Variants in EPM2A observed in about 807,000 individuals in gnomAD.
EPM2A encodes the protein laforin.
EPM2A carries 21 observed loss-of-function variants against 26.5 expected under a neutral mutation model. The ratio of observed to expected loss-of-function variants is 0.79; its 90% confidence interval spans 0.56 to 1.14. The LOEUF (loss-of-function observed/expected upper bound fraction) is 1.14, where lower values mean the gene tolerates loss of function less well. Ranked by LOEUF, EPM2A falls within the 50% of genes most tolerant of loss-of-function variation. The pLI is 0.00. For missense variants in EPM2A, 458 were observed against 440.8 expected (o/e 1.04, Z -0.35); for synonymous variants, 217 against 177.6 (o/e 1.22, Z -1.76).
intron 2 of EPM2A, among the ~76,000 whole-genome samples, chr6:145,556,664 A>T (rs1183381427): frequency 6.6e-6 from 1 of 152,090 alleles, no homozygotes; most frequent in Non-Finnish European, 1.5e-5. Flanking sequence ...TGAGAAGCAG[A>T]CCACCTTAAA....
At chr6:145,570,661 C>A (rs904080515) in intron 2 of EPM2A, among the ~76,000 whole-genome samples, 1 of 152,218 alleles carries the variant, frequency 6.6e-6, no homozygotes, top group Admixed American at 6.5e-5. Flanking sequence ...TCAGCAAGCA[C>A]CTCAGCAGGT....
chr6:145,680,367 A>C (rs1039085580), intron 2 of EPM2A, among the ~76,000 whole-genome samples: 34 of 81,940 alleles, frequency 4.1e-4, no homozygotes, highest in African/African-American at 1.8e-3. Context: ...AGTTTCATTT[A>C]TTTATTTATT....
intron 2 of EPM2A, among the ~76,000 whole-genome samples, chr6:145,683,164 A>T (rs1780661177): frequency 6.6e-6 from 1 of 152,012 alleles, no homozygotes; most frequent in Non-Finnish European, 1.5e-5. Flanking sequence ...GGACTGAAAC[A>T]ACTGAAGGTG....
At chr6:145,409,995 A>G (rs1301009876) in intron 4 of EPM2A, among the ~76,000 whole-genome samples, 1 of 152,164 alleles carries the variant, frequency 6.6e-6, no homozygotes, top group South Asian at 2.1e-4. Flanking sequence ...TTTGAAACAC[A>G]TCATCATTTC....
In EPM2A at chr6:145,580,747, A is replaced by T. The variant is rs1320426422; in HGVS notation, c.340+54498T>A. ...TATGTATACTCAGTGTTTAGCTGCC[A>T]CTTATAAATGAGAACATGTCGTATT... On this transcript the variant is annotated intron_variant, in intron 2 of 3. Coordinates refer to the EPM2A transcript ENST00000450221. Among the ~76,000 whole-genome samples the T allele has an allele frequency of 3.3e-5, 5 of 151,996 alleles. No homozygotes were observed. In the East Asian group the frequency reaches 9.6e-4, roughly 29 times the overall value.
intron 1 of EPM2A, among the ~76,000 whole-genome samples, chr6:145,716,571 C>A (rs1383193165): frequency 6.6e-6 from 1 of 152,064 alleles, no homozygotes; most frequent in Non-Finnish European, 1.5e-5. Context: ...GAAAGAAGAC[C>A]CTACCCCTAT....
At chr6:145,634,306 T>G (rs7773780) in intron 3 of EPM2A, among the ~76,000 whole-genome samples, 9,874 of 152,194 alleles carry the variant, frequency 0.065, 1,082 homozygotes, top group African/African-American at 0.22. Context: ...ATCCCTATCA[T>G]TCCTCTAAAA....
At chr6:145,612,566 A>G (rs1396067023) in intron 2 of EPM2A, among the ~76,000 whole-genome samples, 1 of 151,942 alleles carries the variant, frequency 6.6e-6, no homozygotes, top group East Asian at 1.9e-4. Flanking sequence ...ACACAGGCAA[A>G]CCTCAGAGAT....
chr6:145,459,404 G>A (rs570296096), intron 4 of EPM2A, among the ~76,000 whole-genome samples: 94 of 152,256 alleles, frequency 6.2e-4, no homozygotes, highest in African/African-American at 2.1e-3. Flanking sequence ...AATCATGCTC[G>A]AAAAGTTCAG....
At chr6:145,646,461 C>CCA (rs1289146442) in intron 2 of EPM2A, among the ~76,000 whole-genome samples, 3 of 152,076 alleles carry the variant, frequency 2.0e-5, no homozygotes, top group African/African-American at 7.2e-5. Flanking sequence ...CAGGCGTGAA[C>CCA]CACTGCACTT....
chr6:145,438,663 G>A (rs1346021748), intron 4 of EPM2A, among the ~76,000 whole-genome samples: 2 of 151,792 alleles, frequency 1.3e-5, no homozygotes, highest in African/African-American at 4.8e-5. Context: ...TAGTAGAGAC[G>A]GGGTTTCACC....
intron 2 of EPM2A, among the ~76,000 whole-genome samples, chr6:145,669,223 T>A (rs1779469124): frequency 6.6e-6 from 1 of 152,196 alleles, no homozygotes; most frequent in Non-Finnish European, 1.5e-5. Flanking sequence ...AAAGAGTTCA[T>A]GTTTCATAAA....
downstream of EPM2A, among the ~76,000 whole-genome samples, chr6:145,498,307 C>T (rs1779846805): frequency 6.6e-6 from 1 of 152,328 alleles, no homozygotes; most frequent in South Asian, 2.1e-4. Context: ...AAGTGGGGCC[C>T]TCAGACCAAT....
chr6:145,540,431 C>G (rs890611975), intron 2 of EPM2A, among the ~76,000 whole-genome samples: 2 of 152,156 alleles, frequency 1.3e-5, no homozygotes, highest in African/African-American at 4.8e-5. Flanking sequence ...TTTGCTTCCC[C>G]TCAGCACTAC....
At chr6:145,640,243 A>C (rs1382881624) in intron 2 of EPM2A, 1 of 152,254 alleles carries the variant, frequency 6.6e-6, no homozygotes, top group Non-Finnish European at 1.5e-5. Flanking sequence ...CGACAGGAGA[A>C]GTGGGTGTCT....
chr6:145,713,831 C>T (rs946558570), intron 1 of EPM2A, among the ~76,000 whole-genome samples: 1 of 152,158 alleles, frequency 6.6e-6, no homozygotes, highest in African/African-American at 2.4e-5. Context: ...ACAGCTTTTA[C>T]CTCCATCAAC....
intron 1 of EPM2A, among the ~76,000 whole-genome samples, chr6:145,687,498 C>T (rs1447676860): frequency 2.0e-5 from 3 of 152,052 alleles, no homozygotes; most frequent in Non-Finnish European, 4.4e-5. Context: ...ATTTTTACTA[C>T]CTTTTTATCA....
In EPM2A at chr6:145,543,229, C is replaced by T. The variant is rs1477611730; in HGVS notation, c.341-40654G>A. Among the ~76,000 whole-genome samples the T allele has an allele frequency of 4.0e-5, 6 of 151,390 alleles. No individual in the cohort carries two copies. The East Asian group carries it at 7.8e-4, about 20-fold the overall frequency. On this transcript the variant is annotated intron_variant, in intron 2 of 3. Coordinates refer to the EPM2A transcript ENST00000450221. The stretch of plus-strand genomic sequence containing the variant: ...GGATGCTCTTTTTTTTTCTTAATCA[C>T]GAAGAATGAATGGCACTTACAGTAA...
Position 145,557,895 on chromosome 6 carries a change from C to T in EPM2A, c.341-55320G>A, listed in dbSNP as rs144475097. ...CAACATCTCCCCAAACCGTCCTTGC[C>T]TCTCCAGCCCCCGGTAACCAGCAGA... On this transcript the variant is annotated intron_variant, in intron 2 of 3. Transcript: ENST00000450221. Among the ~76,000 whole-genome samples the T allele has an allele frequency of 2.7e-3, 405 of 152,178 alleles. 6 individuals are homozygous for T. Among genetic ancestry groups the T allele is most frequent in the African/African-American group, 9.3e-3 (387 of 41,526 alleles).
Sources: gnomAD v4.1 joint callset for allele counts (sites outside exome capture counted in the v4.1 genomes callset) on GRCh38, gnomAD v4.1.1 for gene constraint, MANE v1.5 for transcripts, NCBI Gene and HGNC (gene_info 2026-07-23, HGNC 2026-07-21) for gene names.